ARHGAP24: variants seen among roughly 807,000 people sequenced by gnomAD.
The protein encoded by ARHGAP24 is Rho GTPase activating protein 24, also known as rho GTPase-activating protein 24.
Under a neutral mutation model 76.4 loss-of-function variants are expected in ARHGAP24, and 50 were observed. The observed-to-expected ratio is 0.65, with a 90% CI of 0.52 to 0.83. The LOEUF is 0.83. Among genes scored for constraint, ARHGAP24 ranks in the 40% least tolerant of loss-of-function variants. The probability of loss-of-function intolerance (pLI) is 0.00; values close to 1 mark genes in which losing one functional copy is unlikely to be tolerated. For missense variants in ARHGAP24, 930 were observed against 914.2 expected (o/e 1.02, Z -0.22); for synonymous variants, 345 against 323.3 (o/e 1.07, Z -0.72).
At chr4:85,780,236 C>T (rs13119793) in intron 3 of ARHGAP24, among the ~76,000 whole-genome samples, 98,069 of 151,682 alleles carry the variant, frequency 0.65, 32,816 homozygotes, top group East Asian at 0.88. Flanking sequence ...TGCAATGGCA[C>T]GCTCTTGGCT....
chr4:85,992,532 C>T (rs1182210076), intron 8 of ARHGAP24, among the ~76,000 whole-genome samples: 1 of 152,048 alleles, frequency 6.6e-6, no homozygotes, highest in Non-Finnish European at 1.5e-5. Context: ...TGTTAACATT[C>T]CAATGATAGG....
intron 2 of ARHGAP24, among the ~76,000 whole-genome samples, chr4:85,602,325 A>AT (rs993892594): frequency 8.5e-5 from 13 of 152,166 alleles, no homozygotes; most frequent in Non-Finnish European, 1.8e-4. Context: ...AAACGCAAAA[A>AT]TTTAAGAGCA....
intron 1 of ARHGAP24, among the ~76,000 whole-genome samples, chr4:85,537,983 T>C (rs1264010767): frequency 6.6e-6 from 1 of 151,962 alleles, no homozygotes; most frequent in Non-Finnish European, 1.5e-5. Flanking sequence ...ACTTGATAAT[T>C]TAGGGAAGAT....
At chr4:85,590,080 C>T (rs1728021516) in intron 2 of ARHGAP24, among the ~76,000 whole-genome samples, 1 of 152,116 alleles carries the variant, frequency 6.6e-6, no homozygotes, top group African/African-American at 2.4e-5. Context: ...ATTCGTAACA[C>T]AAAGATGCTA....
At chr4:85,709,604 A>T (rs1010225367) in intron 2 of ARHGAP24, among the ~76,000 whole-genome samples, 2 of 151,870 alleles carry the variant, frequency 1.3e-5, no homozygotes, top group Non-Finnish European at 2.9e-5. Context: ...ACTTCAATTT[A>T]GCATTTTATT....
intron 3 of ARHGAP24, among the ~76,000 whole-genome samples, chr4:85,905,399 G>GA (rs776374285): frequency 6.0e-4 from 91 of 151,816 alleles, no homozygotes; most frequent in South Asian, 1.9e-3. Context: ...TTTTTGGCAT[G>GA]AAAAAAATTG....
intron 5 of ARHGAP24, among the ~76,000 whole-genome samples, chr4:85,944,774 C>T (rs1737156342): frequency 1.3e-5 from 2 of 152,130 alleles, no homozygotes; most frequent in Non-Finnish European, 1.5e-5. Context: ...AGAATGCAAA[C>T]GAAAGCCTTT....
chr4:85,665,252 C>A (rs904221232), intron 2 of ARHGAP24, among the ~76,000 whole-genome samples: 1 of 151,986 alleles, frequency 6.6e-6, no homozygotes, highest in East Asian at 1.9e-4. Flanking sequence ...TGAATTGATC[C>A]CTTTACCATT....
At chr4:85,933,718 G>C (rs558456364) in intron 4 of ARHGAP24, among the ~76,000 whole-genome samples, 1 of 152,128 alleles carries the variant, frequency 6.6e-6, no homozygotes, top group Admixed American at 6.5e-5. Context: ...CAGTGTAACC[G>C]ATCCCTTGAT....
At chr4:85,689,791 G>C (rs1395330988) in intron 2 of ARHGAP24, among the ~76,000 whole-genome samples, 1 of 152,156 alleles carries the variant, frequency 6.6e-6, no homozygotes, top group Non-Finnish European at 1.5e-5. Context: ...TATAGGTATA[G>C]AATCACACAG....
intron 2 of ARHGAP24, among the ~76,000 whole-genome samples, chr4:85,624,204 A>G (rs865792173): frequency 6.6e-6 from 1 of 152,128 alleles, no homozygotes; most frequent in Non-Finnish European, 1.5e-5. Flanking sequence ...CCCATTCAGT[A>G]TGATATTGGC....
chr4:85,844,441 G>A (rs1235016513), intron 3 of ARHGAP24, among the ~76,000 whole-genome samples: 2 of 152,186 alleles, frequency 1.3e-5, no homozygotes, highest in African/African-American at 4.8e-5. Context: ...TTGTGATGAT[G>A]TTCTGGGATT....
At chr4:85,990,304 T>A (rs922349699) in intron 8 of ARHGAP24, 1 of 151,732 alleles carries the variant, frequency 6.6e-6, no homozygotes, top group Admixed American at 6.6e-5. Context: ...AATGTGGAAA[T>A]ATACCCTGCT....
chr4:85,863,781 C>T (rs188011125), intron 3 of ARHGAP24, among the ~76,000 whole-genome samples: 115 of 152,012 alleles, frequency 7.6e-4, no homozygotes, highest in African/African-American at 2.7e-3. Context: ...TTGTCACATA[C>T]CAGGAAAATT....
At chr4:85,923,288 A>G (rs1418424546) in intron 3 of ARHGAP24, among the ~76,000 whole-genome samples, 3 of 151,932 alleles carry the variant, frequency 2.0e-5, no homozygotes, top group Admixed American at 1.3e-4. Flanking sequence ...AACTCTGTGG[A>G]CCACTTTTCC....
At chr4:85,793,814 G>A (rs1235849174) in intron 3 of ARHGAP24, among the ~76,000 whole-genome samples, 5 of 152,116 alleles carry the variant, frequency 3.3e-5, no homozygotes, top group African/African-American at 1.2e-4. Flanking sequence ...CACACAAGAA[G>A]CAGTGCCTTC....
At chr4:85,694,111 C>A (rs761421758) in intron 2 of ARHGAP24, among the ~76,000 whole-genome samples, 3 of 152,024 alleles carry the variant, frequency 2.0e-5, no homozygotes, top group Admixed American at 2.0e-4. Context: ...ATTGCATCTC[C>A]GTCTACTCCT....
intron 3 of ARHGAP24, among the ~76,000 whole-genome samples, chr4:85,736,877 T>C (rs1413682164): frequency 2.6e-5 from 4 of 152,210 alleles, no homozygotes; most frequent in Non-Finnish European, 5.9e-5. Flanking sequence ...CTGTGTAAAT[T>C]AGTATAAACT....
rs778959388 is a variant in ARHGAP24, at chr4:85,980,986, G to A, written c.928+3295G>A. 4.6e-5 allele frequency among the ~76,000 whole-genome samples: 7 copies of A among 152,282 alleles called. No homozygotes were observed. The East Asian group carries it at 1.2e-3, about 25-fold the overall frequency. ...GAAAATTCCAATTTTACTTAGGAAT[G>A]TTCTTACTGAACAGTAAAATATATT... On this transcript the variant is annotated intron_variant, in intron 8 of 9. Coordinates refer to ENST00000395184, the MANE Select transcript of ARHGAP24 (RefSeq NM_001025616.3).
Sources: gnomAD v4.1 joint callset for allele counts (sites outside exome capture counted in the v4.1 genomes callset) on GRCh38, gnomAD v4.1.1 for gene constraint, MANE v1.5 for transcripts, NCBI Gene and HGNC (gene_info 2026-07-23, HGNC 2026-07-21) for gene names.